PPP2R3A: variants seen among roughly 807,000 people sequenced by gnomAD.
The protein encoded by PPP2R3A is protein phosphatase 2 regulatory subunit B''alpha, also known as serine/threonine-protein phosphatase 2A regulatory subunit B'' subunit alpha.
PPP2R3A carries 80 observed loss-of-function variants against 106.9 expected under a neutral mutation model. The observed-to-expected ratio is 0.75, with a 90% CI of 0.62 to 0.90. PPP2R3A has a LOEUF of 0.90. Ranked by LOEUF, PPP2R3A falls within the 40% of genes least tolerant of loss-of-function variation. The probability of loss-of-function intolerance (pLI) is 0.00; values close to 1 mark genes in which losing one functional copy is unlikely to be tolerated. For missense variants in PPP2R3A, 1,386 were observed against 1,350.4 expected (o/e 1.03, Z -0.41); for synonymous variants, 483 against 468.3 (o/e 1.03, Z -0.41).
Position 136,135,645 on chromosome 3 carries a change from C to T in PPP2R3A, c.3330-9398C>T, listed in dbSNP as rs372274764. On this transcript the variant is annotated intron_variant, in intron 13 of 13. Transcript: ENST00000264977. ...CCTGAGGCTCAGTTTCAGAAGGCATCAGCATCCACTTCCTGAGGTGGTTGT... is the reference window on the plus strand; with the variant it reads ...CCTGAGGCTCAGTTTCAGAAGGCATTAGCATCCACTTCCTGAGGTGGTTGT... Among the ~76,000 whole-genome samples, 57 of 152,264 alleles carry T rather than the reference C, an allele frequency of 3.7e-4. No homozygotes were observed. The East Asian group carries it at 0.01, about 28-fold the overall frequency.
At chr3:136,026,554 T>G (rs998554851) in intron 2 of PPP2R3A, among the ~76,000 whole-genome samples, 1 of 152,192 alleles carries the variant, frequency 6.6e-6, no homozygotes, top group Admixed American at 6.5e-5. Context: ...CATTGCTCTT[T>G]GAGTCTTTTG....
At chr3:136,066,657 T>C (rs1435149330) in intron 5 of PPP2R3A, among the ~76,000 whole-genome samples, 1 of 152,126 alleles carries the variant, frequency 6.6e-6, no homozygotes, top group Non-Finnish European at 1.5e-5. Context: ...GCATCTCACT[T>C]GGCGAGAGCA....
intron 5 of PPP2R3A, among the ~76,000 whole-genome samples, chr3:136,069,395 G>A (rs1421628485): frequency 6.6e-6 from 1 of 152,080 alleles, no homozygotes; most frequent in Non-Finnish European, 1.5e-5. Context: ...TGGCCAGCAT[G>A]GTGAAACCTT....
intron 1 of PPP2R3A, among the ~76,000 whole-genome samples, chr3:135,971,609 A>AG (rs1184079719): frequency 6.6e-6 from 1 of 152,210 alleles, no homozygotes; most frequent in Non-Finnish European, 1.5e-5. Flanking sequence ...TCATCTTGTG[A>AG]GGGACCAGAC....
intron 6 of PPP2R3A, among the ~76,000 whole-genome samples, chr3:136,073,389 G>A (rs940761259): frequency 6.6e-6 from 1 of 152,152 alleles, no homozygotes; most frequent in African/African-American, 2.4e-5. Flanking sequence ...AACTACACTG[G>A]CGAATTAATA....
At chr3:136,033,494 C>T (rs1934978118) in intron 3 of PPP2R3A, among the ~76,000 whole-genome samples, 1 of 152,144 alleles carries the variant, frequency 6.6e-6, no homozygotes, top group Admixed American at 6.5e-5. Flanking sequence ...TGGTAGAATT[C>T]GGCTGTGAAT....
In PPP2R3A at chr3:136,040,852, T is replaced by G; in HGVS notation, c.2263-7T>G. The G allele has an allele frequency of 6.2e-7, 1 of 1,608,834 alleles. No individual in the cohort carries two copies. On this transcript the variant is annotated splice_region_variant and splice_polypyrimidine_tract_variant and intron_variant, in intron 3 of 13. Coordinates refer to ENST00000264977, the MANE Select transcript of PPP2R3A (RefSeq NM_002718.5). Reference sequence around the variant, plus strand: ...TGGCTTACCCTGTATGTGTTTTCTATTTGCAGGTCTGTGGCTGTCCTCTCT... The same window carrying G: ...TGGCTTACCCTGTATGTGTTTTCTAGTTGCAGGTCTGTGGCTGTCCTCTCT...
At chr3:136,055,566 G>A in intron 5 of PPP2R3A, 1 of 1,387,510 alleles carries the variant, frequency 7.2e-7, no homozygotes. Context: ...AATCTTCACA[G>A]AGCGGGTCTT....
intron 13 of PPP2R3A, among the ~76,000 whole-genome samples, chr3:136,116,399 C>A (rs976656500): frequency 6.6e-6 from 1 of 152,120 alleles, no homozygotes; most frequent in African/African-American, 2.4e-5. Context: ...ACAATATTAA[C>A]CTTAAATGTA....
At chr3:136,058,245 G>A (rs569979066) in intron 5 of PPP2R3A, among the ~76,000 whole-genome samples, 3 of 152,252 alleles carry the variant, frequency 2.0e-5, no homozygotes, top group East Asian at 1.9e-4. Flanking sequence ...GTTGGGAGAC[G>A]ACATGATCCT....
chr3:136,127,311 G>A (rs1290288906), intron 13 of PPP2R3A, among the ~76,000 whole-genome samples: 2 of 152,166 alleles, frequency 1.3e-5, no homozygotes, highest in Non-Finnish European at 2.9e-5. Context: ...ACAGTGTAGA[G>A]AAGACCTTAA....
At chr3:136,039,545 A>G (rs1372144208) in intron 3 of PPP2R3A, among the ~76,000 whole-genome samples, 1 of 152,124 alleles carries the variant, frequency 6.6e-6, no homozygotes, top group Non-Finnish European at 1.5e-5. Context: ...GATAGAGTGC[A>G]CAACCTAGAT....
intron 5 of PPP2R3A, among the ~76,000 whole-genome samples, chr3:136,052,114 A>G (rs1240658025): frequency 6.6e-6 from 1 of 152,188 alleles, no homozygotes; most frequent in Non-Finnish European, 1.5e-5. Flanking sequence ...GAAATCTCAA[A>G]TCTTCAATAT....
intron 2 of PPP2R3A, among the ~76,000 whole-genome samples, chr3:136,015,887 A>G (rs185757444): frequency 1.4e-3 from 215 of 151,888 alleles, no homozygotes; most frequent in African/African-American, 4.8e-3. Flanking sequence ...TTGTTTCTCT[A>G]GTTCCTTGCG....
chr3:136,078,495 A>G (rs373786492), intron 7 of PPP2R3A, 42 bp downstream of exon 7: 9 of 1,258,548 alleles, frequency 7.2e-6, no homozygotes, highest in Non-Finnish European at 1.0e-5. Flanking sequence ...AGCAATTTAG[A>G]TAATTTTCTT....
intron 1 of PPP2R3A, among the ~76,000 whole-genome samples, chr3:135,980,539 C>T (rs1227728617): frequency 6.6e-6 from 1 of 151,806 alleles, no homozygotes; most frequent in Admixed American, 6.5e-5. Context: ...GCTTTATTGC[C>T]CCAATAAAAT....
chr3:136,028,836 T>TTTG (rs546531705), intron 3 of PPP2R3A, among the ~76,000 whole-genome samples: 1 of 152,002 alleles, frequency 6.6e-6, no homozygotes, highest in Admixed American at 6.6e-5. Context: ...GTTGTTGTTT[T>TTTG]TTGTTGTTGT....
At chr3:136,131,242 G>A (rs1938402935) in intron 13 of PPP2R3A, among the ~76,000 whole-genome samples, 2 of 151,998 alleles carry the variant, frequency 1.3e-5, no homozygotes, top group Admixed American at 6.6e-5. Context: ...CTACAGAATG[G>A]GAGAAAATTT....
At position 136,145,221 on chromosome 3, in the gene PPP2R3A, G is replaced by GA; in HGVS notation, c.*57dup. On this transcript the variant is annotated 3_prime_UTR_variant, in exon 14 of 14. Coordinates refer to ENST00000264977, the MANE Select transcript of PPP2R3A (RefSeq NM_002718.5). Reference sequence around the variant, plus strand: ...TGTATTTTAAATGTTTCTTTCTTGTGAAGAGATGTTCTCGTTTGCATACTG... The same window carrying GA: ...TGTATTTTAAATGTTTCTTTCTTGTGAAAGAGATGTTCTCGTTTGCATACTG... 1 of 1,559,122 alleles carries GA rather than the reference G, an allele frequency of 6.4e-7. No individual in the cohort carries two copies. Among genetic ancestry groups the GA allele is most frequent in the Admixed American group, 2.0e-5 (1 of 51,196 alleles).
Sources: gnomAD v4.1 joint callset for allele counts (sites outside exome capture counted in the v4.1 genomes callset) on GRCh38, gnomAD v4.1.1 for gene constraint, MANE v1.5 for transcripts, NCBI Gene and HGNC (gene_info 2026-07-23, HGNC 2026-07-21) for gene names.